The following NALCN variants were observed in gnomAD, a reference collection of about 807,000 sequenced individuals.
NALCN encodes the protein sodium leak channel NALCN.
In NALCN, 111 loss-of-function variants were observed where a neutral mutation model predicts 225.3. The ratio of observed to expected loss-of-function variants is 0.49; its 90% CI spans 0.42 to 0.58. NALCN has a LOEUF of 0.58. NALCN is among the 20% of genes least tolerant of loss of function. The pLI is 0.00. For synonymous variants in NALCN, 764 were observed against 769.0 expected (o/e 0.99, Z 0.11); for missense variants, 1,378 against 2,202.4 (o/e 0.63, Z 7.49).
chr13:101,400,257 C>G (rs998089065), intron 1 of NALCN, among the ~76,000 whole-genome samples: 1 of 152,048 alleles, frequency 6.6e-6, no homozygotes, highest in Non-Finnish European at 1.5e-5. Flanking sequence ...TCCAAGCAAA[C>G]TTGAAATTTA....
intron 7 of NALCN, among the ~76,000 whole-genome samples, chr13:101,293,706 G>A (rs957811114): frequency 2.0e-5 from 3 of 152,112 alleles, no homozygotes; most frequent in Non-Finnish European, 1.5e-5. Context: ...ACCAAGGCAT[G>A]CAGAACAGAA....
intron 6 of NALCN, among the ~76,000 whole-genome samples, chr13:101,358,328 A>G (rs1206757735): frequency 2.0e-5 from 3 of 152,194 alleles, no homozygotes; most frequent in Non-Finnish European, 2.9e-5. Flanking sequence ...ACAACCTATA[A>G]GAAATGTAAA....
intron 6 of NALCN, among the ~76,000 whole-genome samples, chr13:101,359,294 GA>G (rs2046155479): frequency 1.3e-5 from 2 of 152,020 alleles, no homozygotes; most frequent in Non-Finnish European, 2.9e-5. Context: ...AGAAAGTTCT[GA>G]AAAAAATTAT....
At chr13:101,412,410 T>G (rs1407910905) in intron 1 of NALCN, among the ~76,000 whole-genome samples, 1 of 152,226 alleles carries the variant, frequency 6.6e-6, no homozygotes, top group East Asian at 1.9e-4. Flanking sequence ...TTCAGTGTTC[T>G]GGTCTATCCT....
At chr13:101,279,452 G>A (rs1012298487) in intron 10 of NALCN, among the ~76,000 whole-genome samples, 1 of 152,212 alleles carries the variant, frequency 6.6e-6, no homozygotes, top group African/African-American at 2.4e-5. Context: ...AAGATTTCAA[G>A]TAAACTCTTC....
At chr13:101,098,424 GACT>G (rs1391868670) in intron 27 of NALCN, among the ~76,000 whole-genome samples, 1 of 152,088 alleles carries the variant, frequency 6.6e-6, no homozygotes, top group Non-Finnish European at 1.5e-5. Context: ...GACATTTAAT[GACT>G]ATTTGTCAAA....
At chr13:101,057,882 C>T (rs529322553) in intron 43 of NALCN, 57 bp downstream of exon 43, 8 of 1,362,430 alleles carry the variant, frequency 5.9e-6, no homozygotes, top group South Asian at 4.6e-5. Context: ...AACACACAAA[C>T]AGAGTAAATA....
chr13:101,120,521 A>T (rs558965546), intron 18 of NALCN, among the ~76,000 whole-genome samples: 2 of 74,006 alleles, frequency 2.7e-5, no homozygotes, highest in African/African-American at 3.4e-4. Context: ...TGCCAAACTT[A>T]AAAAAAAAAA....
chr13:101,294,583 T>A (rs1340361062), intron 7 of NALCN, among the ~76,000 whole-genome samples: 2 of 141,798 alleles, frequency 1.4e-5, no homozygotes, highest in South Asian at 4.4e-4. Context: ...TTTTTTTTTT[T>A]AGTGAAAGCT....
intron 10 of NALCN, among the ~76,000 whole-genome samples, chr13:101,261,009 C>A (rs1354967967): frequency 6.6e-6 from 1 of 152,154 alleles, no homozygotes; most frequent in African/African-American, 2.4e-5. Context: ...AGTTTGAGGT[C>A]ATAGCTTTAA....
At chr13:101,259,405 C>T (rs923605580) in intron 10 of NALCN, among the ~76,000 whole-genome samples, 4 of 151,964 alleles carry the variant, frequency 2.6e-5, no homozygotes, top group African/African-American at 7.2e-5. Context: ...GTGATCTTGG[C>T]TCACTGCAAG....
intron 3 of NALCN, among the ~76,000 whole-genome samples, chr13:101,386,097 C>T (rs1369533702): frequency 6.6e-6 from 1 of 151,940 alleles, no homozygotes; most frequent in Admixed American, 6.6e-5. Context: ...AAAACATCCA[C>T]TGTGGTTTGA....
At chr13:101,254,840 G>A (rs1490543189) in intron 11 of NALCN, among the ~76,000 whole-genome samples, 1 of 110,164 alleles carries the variant, frequency 9.1e-6, no homozygotes, top group Non-Finnish European at 1.8e-5. Flanking sequence ...GCAGTGAGCC[G>A]AGATCCCGCC....
intron 12 of NALCN, among the ~76,000 whole-genome samples, chr13:101,230,288 T>C (rs910251277): frequency 2.6e-5 from 4 of 152,230 alleles, no homozygotes; most frequent in Non-Finnish European, 4.4e-5. Context: ...AATATTTTCC[T>C]AGGTATTATT....
intron 1 of NALCN, among the ~76,000 whole-genome samples, chr13:101,415,076 G>A (rs1416349216): frequency 6.6e-6 from 1 of 150,986 alleles, no homozygotes; most frequent in African/African-American, 2.5e-5. Context: ...TAGAACTGTG[G>A]AAACCTTATC....
chr13:101,342,405 G>T (rs2045584715), intron 7 of NALCN, among the ~76,000 whole-genome samples: 1 of 152,148 alleles, frequency 6.6e-6, no homozygotes, highest in Non-Finnish European at 1.5e-5. Context: ...CAGCAACAAA[G>T]CAGTTGTGTC....
intron 7 of NALCN, among the ~76,000 whole-genome samples, chr13:101,333,515 A>G (rs2045259418): frequency 6.6e-6 from 1 of 152,200 alleles, no homozygotes; most frequent in African/African-American, 2.4e-5. Flanking sequence ...CTTCTTTTTC[A>G]TAGCCCACAT....
chr13:101,129,091 T>G (rs1428774234), intron 17 of NALCN, among the ~76,000 whole-genome samples: 1 of 152,164 alleles, frequency 6.6e-6, no homozygotes, highest in African/African-American at 2.4e-5. Context: ...ATTTCTTAGA[T>G]CCCTTGACTT....
intron 6 of NALCN, among the ~76,000 whole-genome samples, chr13:101,345,935 T>C (rs77108095): frequency 6.8e-6 from 1 of 147,540 alleles, no homozygotes; most frequent in African/African-American, 2.5e-5. Flanking sequence ...AGATGGATCA[T>C]TTGGCTTACA....
Sources: allele counts gnomAD v4.1 joint callset (sites outside exome capture counted in the v4.1 genomes callset), GRCh38; gene constraint gnomAD v4.1.1; transcripts MANE v1.5; gene names NCBI Gene and HGNC (gene_info 2026-07-23, HGNC 2026-07-21).